Variants in SPTBN4 observed in about 807,000 individuals in gnomAD.
SPTBN4 encodes spectrin beta chain, non-erythrocytic 4.
A neutral mutation model predicts 277.8 loss-of-function variants in SPTBN4; 96 were observed. The observed-to-expected ratio is 0.35, with a 90% CI of 0.29 to 0.41. The LOEUF (loss-of-function observed/expected upper bound fraction) is 0.41. SPTBN4 is among the 10% of genes least tolerant of loss of function. The pLI, the probability that SPTBN4 is intolerant of heterozygous loss-of-function variation, is 1.00. For missense variants in SPTBN4, 3,006 were observed against 3,595.7 expected (o/e 0.84, Z 4.19); for synonymous variants, 1,481 against 1,580.3 (o/e 0.94, Z 1.49).
intron 27 of SPTBN4, among the ~76,000 whole-genome samples, chr19:40,561,292 C>T (rs1051638009): frequency 2.6e-5 from 4 of 151,924 alleles, no homozygotes; most frequent in Non-Finnish European, 4.4e-5. Flanking sequence ...GGATTACAGG[C>T]ATAAGCCACC....
intron 13 of SPTBN4, among the ~76,000 whole-genome samples, chr19:40,506,600 A>C (rs1416257304): frequency 6.6e-6 from 1 of 152,218 alleles, no homozygotes; most frequent in Non-Finnish European, 1.5e-5. Context: ...CCTGCTTTAG[A>C]TTCTGCAGTA....
intron 6 of SPTBN4, 147 bp downstream of exon 6, chr19:40,495,124 C>A: frequency 1.4e-6 from 1 of 721,082 alleles, no homozygotes; most frequent in Non-Finnish European, 2.3e-6. Context: ...AGTTTTCTTT[C>A]CCTTCACACA....
rs765568459 is a variant in SPTBN4 at position 40,519,446 on chromosome 19, G to A, written c.2949G>A (p.Met983Ile). ...VELVEQRKEE[M>I]SAVLLVENHV... is the part of the protein sequence containing the mutation. ...TAGTGGAACAGCGCAAAGAGGAAAT[G>A]AGCGCGGTGCTGCTGGTGGAGAACC... The change falls in exon 16 of 36, where the codon ATG (methionine) becomes ATA (isoleucine). Residue 983 changes from methionine (M) to isoleucine (I), a missense_variant. Met to Ile is a conservative substitution (Grantham distance 10). This residue lies in a region of SPTBN4 where 1,759 missense variants were observed against 2,061.5 expected (regional missense o/e 0.85). Coordinates refer to ENST00000598249, the MANE Select transcript of SPTBN4 (RefSeq NM_020971.3). This position sits in a 1 kb window ranked among gnomAD's most constrained non-coding sequence, Gnocchi z 5.7. 7.5e-6 allele frequency: 12 copies of A among 1,602,940 alleles called. No individual in the cohort carries two copies. The highest frequency in any genetic ancestry group is 5.6e-5 in the South Asian group (5 of 89,664).
intron 16 of SPTBN4, among the ~76,000 whole-genome samples, chr19:40,522,538 A>C (rs2080539884): frequency 6.9e-6 from 1 of 145,276 alleles, no homozygotes; most frequent in Non-Finnish European, 1.5e-5. Context: ...TTTGTAGTAG[A>C]GATGAGGTTC....
At position 40,565,645 on chromosome 19, in the gene SPTBN4, C is replaced by G; in HGVS notation, c.6055-16C>G. ...TCCACACCCTGACTTCCCTCCCACC[C>G]ACCTGCCACTCCCAGATCCAGGCAC... is the stretch of plus-strand genomic sequence containing the variant. On this transcript the variant is annotated splice_polypyrimidine_tract_variant and intron_variant, in intron 28 of 35. Transcript: ENST00000598249. 1 of 1,555,150 alleles carries G rather than the reference C, an allele frequency of 6.4e-7. No homozygotes were observed. The highest frequency in any genetic ancestry group is 8.7e-7 in the Non-Finnish European group (1 of 1,148,880).
At chr19:40,565,779 G>A (rs1599818559) in intron 29 of SPTBN4, 34 bp downstream of exon 29, 3 of 1,546,926 alleles carry the variant, frequency 1.9e-6, no homozygotes, top group Non-Finnish European at 2.6e-6. Context: ...TGGTTCAAGG[G>A]CACAGGGACA....
intron 20 of SPTBN4, among the ~76,000 whole-genome samples, chr19:40,544,491 G>A (rs771212184): frequency 2.1e-4 from 23 of 108,772 alleles, no homozygotes; most frequent in African/African-American, 8.3e-4. Flanking sequence ...TTTGTTGCCC[G>A]GGCTGGAGTG....
chr19:40,538,121 G>A (rs977658194), intron 20 of SPTBN4, among the ~76,000 whole-genome samples: 7 of 152,200 alleles, frequency 4.6e-5, no homozygotes, highest in South Asian at 2.1e-4. Flanking sequence ...AGACGCAGTG[G>A]CTCACGCCTG....
intron 33 of SPTBN4, 192 bp downstream of exon 33, chr19:40,570,920 T>A (rs1162633287): frequency 7.6e-6 from 4 of 527,972 alleles, no homozygotes; most frequent in Non-Finnish European, 1.2e-5. Context: ...GGAGGGGGTG[T>A]GGTTTAACGT....
intron 30 of SPTBN4, among the ~76,000 whole-genome samples, chr19:40,567,363 G>T (rs886764817): frequency 6.6e-6 from 1 of 151,910 alleles, no homozygotes; most frequent in Non-Finnish European, 1.5e-5. Flanking sequence ...AGTCCTGGGT[G>T]GGGGGACATT....
chr19:40,496,618 A>C (rs1393720473), intron 6 of SPTBN4, among the ~76,000 whole-genome samples: 2 of 152,188 alleles, frequency 1.3e-5, no homozygotes, highest in Non-Finnish European at 2.9e-5. Flanking sequence ...TTTAGAGGAA[A>C]CCAAAGCACA....
At chr19:40,526,168 T>C (rs2080588918) in intron 17 of SPTBN4, among the ~76,000 whole-genome samples, 1 of 35,820 alleles carries the variant, frequency 2.8e-5, no homozygotes, top group East Asian at 3.1e-4. Context: ...GGTGCTGTTC[T>C]TTTTTTTTTT....
chr19:40,481,937 CT>C lies in SPTBN4; in HGVS notation c.170-5748del, dbSNP rs573402326. Among the ~76,000 whole-genome samples the C allele has an allele frequency of 1.5e-3, 214 of 144,728 alleles. 1 individual carries two copies. The highest frequency in any genetic ancestry group is 3.7e-3 in the African/African-American group (146 of 39,648). The allele number at this position is 144,728 out of a possible 152,430, so 94.9% of individuals were successfully genotyped here. On this transcript the variant is annotated intron_variant, in intron 2 of 35. Coordinates refer to ENST00000598249, the MANE Select transcript of SPTBN4 (RefSeq NM_020971.3). ...CCTTTAGTGAGATGGCCATTCAAGT[CT>C]TTTTTTTTTTTCTTTTGAGATGGAA...
chr19:40,552,443 G>A (rs1599798353), intron 22 of SPTBN4, among the ~76,000 whole-genome samples: 2 of 130,212 alleles, frequency 1.5e-5, no homozygotes, highest in East Asian at 2.2e-4. Context: ...TGTCAAGAGC[G>A]AGACTCCGTC....
At chr19:40,555,969 G>A (rs1336363498) in intron 24 of SPTBN4, 115 bp from the exon 25 acceptor site, 27 of 863,496 alleles carry the variant, frequency 3.1e-5, no homozygotes, top group South Asian at 1.8e-4. Flanking sequence ...GGACACAGCC[G>A]TGTCTGAAGA....
chr19:40,497,745 A>C, intron 7 of SPTBN4, 141 bp downstream of exon 7: 1 of 682,616 alleles, frequency 1.5e-6, no homozygotes, highest in Non-Finnish European at 2.6e-6. Flanking sequence ...CCAAATCCCA[A>C]CTGTCTCCTC....
chr19:40,524,641 C>T (rs1427265218), intron 17 of SPTBN4: 1 of 455,984 alleles, frequency 2.2e-6, no homozygotes, highest in South Asian at 1.6e-5. Context: ...TGTGTTCCAG[C>T]TTTCCAGATG....
At chr19:40,474,797 C>T (rs2079928580) in intron 2 of SPTBN4, among the ~76,000 whole-genome samples, 1 of 151,976 alleles carries the variant, frequency 6.6e-6, no homozygotes, top group Non-Finnish European at 1.5e-5. Context: ...GAGGCTGAGG[C>T]AGGAGAATCA....
chr19:40,575,570 C>A lies in SPTBN4; in HGVS notation c.*1C>A. 2 of 1,607,802 alleles carry A rather than the reference C, an allele frequency of 1.2e-6. No individual in the cohort carries two copies. The highest frequency in any genetic ancestry group is 1.7e-6 in the Non-Finnish European group (2 of 1,177,726). On this transcript the variant is annotated 3_prime_UTR_variant, in exon 36 of 36. Transcript: ENST00000598249. ...CAGGGCCAGCGGGCGCAGGAAGTGA[C>A]TTCCCACCCCCAGGACCTGACACAT... is the stretch of plus-strand genomic sequence containing the variant.
Sources: gnomAD v4.1 joint callset for allele counts (sites outside exome capture counted in the v4.1 genomes callset) on GRCh38, gnomAD v4.1.1 for gene constraint, gnomAD v4.1.1 regional missense constraint, Gnocchi (gnomAD v3.1) non-coding constraint, MANE v1.5 for transcripts, NCBI Gene and HGNC (gene_info 2026-07-23, HGNC 2026-07-21) for gene names.